KCND3: variants seen among roughly 807,000 people sequenced by gnomAD.
KCND3 encodes the protein A-type voltage-gated potassium channel KCND3.
In KCND3, 9 loss-of-function variants were observed where a neutral mutation model predicts 51.1. That is an observed-to-expected ratio of 0.18 (90% confidence interval 0.11 to 0.31). KCND3 has a LOEUF of 0.31. KCND3 is among the 10% of genes least tolerant of loss of function. The probability of loss-of-function intolerance (pLI) is 1.00; values close to 1 mark genes in which losing one functional copy is unlikely to be tolerated. For synonymous variants in KCND3, 349 were observed against 368.0 expected (o/e 0.95, Z 0.59); for missense variants, 526 against 903.8 (o/e 0.58, Z 5.36).
intron 2 of KCND3, among the ~76,000 whole-genome samples, chr1:111,949,452 C>A (rs958007132): frequency 6.6e-6 from 1 of 152,126 alleles, no homozygotes; most frequent in Admixed American, 6.5e-5. Flanking sequence ...CAGAGAAGAG[C>A]CCTGCAGGCA....
chr1:111,812,140 C>T (rs1451566138), intron 2 of KCND3, among the ~76,000 whole-genome samples: 2 of 152,134 alleles, frequency 1.3e-5, no homozygotes, highest in Non-Finnish European at 2.9e-5. Flanking sequence ...GCTCAGTGAG[C>T]AGCAGCCATT....
At position 111,848,540 on chromosome 1, in the gene KCND3, A is replaced by C. The variant is rs573985449; in HGVS notation, c.1107-61434T>G. ...CAAACAAATAGGCTCACAGATACTC[A>C]AGCCAAACCTGAAGGCCTCAGAAAC... On this transcript the variant is annotated intron_variant, in intron 2 of 7. Transcript: ENST00000302127. Among the ~76,000 whole-genome samples the C allele has an allele frequency of 3.3e-4, 50 of 152,268 alleles. 2 individuals are homozygous for C. In the Middle Eastern group the frequency reaches 0.02, roughly 62 times the overall value.
At chr1:111,891,422 A>G (rs893749810) in intron 2 of KCND3, among the ~76,000 whole-genome samples, 1 of 152,214 alleles carries the variant, frequency 6.6e-6, no homozygotes, top group South Asian at 2.1e-4. Context: ...ATGGTCCATC[A>G]GAGAGGAGAC....
intron 2 of KCND3, among the ~76,000 whole-genome samples, chr1:111,808,395 C>T (rs1340722739): frequency 6.6e-6 from 1 of 152,206 alleles, no homozygotes; most frequent in African/African-American, 2.4e-5. Flanking sequence ...AAAGCCTCCC[C>T]CAAAACTAAT....
chr1:111,973,548 C>A (rs995763642), intron 2 of KCND3, among the ~76,000 whole-genome samples: 1 of 152,190 alleles, frequency 6.6e-6, no homozygotes, highest in Non-Finnish European at 1.5e-5. Flanking sequence ...GGGTGCAAAT[C>A]AAAGAAAATG....
chr1:111,870,215 G>T (rs1668770143), intron 2 of KCND3, among the ~76,000 whole-genome samples: 1 of 152,208 alleles, frequency 6.6e-6, no homozygotes, highest in African/African-American at 2.4e-5. Context: ...AAATGATGGT[G>T]CCAGTTACTT....
At chr1:111,931,193 A>G (rs1022738922) in intron 2 of KCND3, among the ~76,000 whole-genome samples, 1 of 152,208 alleles carries the variant, frequency 6.6e-6, no homozygotes, top group Non-Finnish European at 1.5e-5. Flanking sequence ...GAAACTTAAG[A>G]GACTGGCTAT....
intron 2 of KCND3, among the ~76,000 whole-genome samples, chr1:111,908,258 G>C (rs1670746220): frequency 6.6e-6 from 1 of 152,184 alleles, no homozygotes; most frequent in African/African-American, 2.4e-5. Context: ...ACAAATGCTT[G>C]CTTGTGAGGC....
chr1:111,803,336 G>A (rs560181983), intron 2 of KCND3, among the ~76,000 whole-genome samples: 1 of 152,254 alleles, frequency 6.6e-6, no homozygotes, highest in East Asian at 1.9e-4. Flanking sequence ...TAAGTACATG[G>A]ATGCTTCTCT....
intron 2 of KCND3, among the ~76,000 whole-genome samples, chr1:111,802,259 A>C (rs961126584): frequency 6.6e-6 from 1 of 152,184 alleles, no homozygotes; most frequent in African/African-American, 2.4e-5. Context: ...GGAACTCCAG[A>C]GTACATCTGT....
chr1:111,835,399 C>T (rs1172547098), intron 2 of KCND3, among the ~76,000 whole-genome samples: 5 of 152,080 alleles, frequency 3.3e-5, no homozygotes, highest in South Asian at 2.1e-4. Flanking sequence ...ACAGGGGTTG[C>T]GTAAAATAAG....
intron 2 of KCND3, among the ~76,000 whole-genome samples, chr1:111,884,188 G>C (rs1669464964): frequency 6.6e-6 from 1 of 152,126 alleles, no homozygotes; most frequent in South Asian, 2.1e-4. Flanking sequence ...GGGGATCCTG[G>C]GGCTCTGAGC....
chr1:111,805,264 A>G (rs1665512333), intron 2 of KCND3, among the ~76,000 whole-genome samples: 1 of 152,204 alleles, frequency 6.6e-6, no homozygotes, highest in Admixed American at 6.5e-5. Flanking sequence ...AAAAGAACAC[A>G]TACATCTCAG....
At chr1:111,852,919 C>T (rs890695619) in intron 2 of KCND3, among the ~76,000 whole-genome samples, 2 of 152,184 alleles carry the variant, frequency 1.3e-5, no homozygotes, top group Admixed American at 6.5e-5. Flanking sequence ...GCACCCTTTC[C>T]CTCCCCAAGT....
intron 2 of KCND3, among the ~76,000 whole-genome samples, chr1:111,873,906 T>C: frequency 6.6e-6 from 1 of 151,338 alleles, no homozygotes; most frequent in South Asian, 2.1e-4. Context: ...TTGGACGGGG[T>C]TGGGGATGGG....
intron 2 of KCND3, among the ~76,000 whole-genome samples, chr1:111,806,376 C>T (rs1242307208): frequency 6.6e-6 from 1 of 152,198 alleles, no homozygotes; most frequent in Non-Finnish European, 1.5e-5. Flanking sequence ...CTTTAAATGG[C>T]TTTTATGCTC....
intron 2 of KCND3, among the ~76,000 whole-genome samples, chr1:111,951,732 T>A (rs781283771): frequency 1.3e-5 from 2 of 152,138 alleles, no homozygotes; most frequent in Non-Finnish European, 2.9e-5. Context: ...CAGGAAGGAA[T>A]AAGCGCTAAG....
intron 2 of KCND3, among the ~76,000 whole-genome samples, chr1:111,797,686 G>A (rs1489509617): frequency 6.6e-6 from 1 of 152,176 alleles, no homozygotes; most frequent in East Asian, 1.9e-4. Context: ...GGAGGCAGAA[G>A]CACTGGCTGA....
chr1:111,928,795 C>G (rs1398612106), intron 2 of KCND3, among the ~76,000 whole-genome samples: 1 of 152,188 alleles, frequency 6.6e-6, no homozygotes, highest in East Asian at 1.9e-4. Flanking sequence ...ACAGCCCTTC[C>G]TGGGAGCAGT....
Sources: allele counts gnomAD v4.1 joint callset (sites outside exome capture counted in the v4.1 genomes callset), GRCh38; gene constraint gnomAD v4.1.1; transcripts MANE v1.5; gene names NCBI Gene and HGNC (gene_info 2026-07-23, HGNC 2026-07-21).